The following TNR variants were observed in gnomAD, a reference collection of about 807,000 sequenced individuals.
The protein encoded by TNR is tenascin-R.
TNR carries 45 observed loss-of-function variants against 150.4 expected under a neutral mutation model. That is an observed-to-expected ratio of 0.30 (90% confidence interval 0.24 to 0.38). The LOEUF is 0.38. TNR is among the 10% of genes least tolerant of loss of function. The pLI is 1.00. For missense variants in TNR, 1,544 were observed against 1,759.1 expected, an observed-to-expected ratio of 0.88 and a Z score of 2.19; for synonymous variants, 687 against 678.4, an observed-to-expected ratio of 1.01 and a Z score of -0.20.
At chr1:175,455,830 G>A (rs138826012) in intron 2 of TNR, among the ~76,000 whole-genome samples, 6 of 152,336 alleles carry the variant, frequency 3.9e-5, no homozygotes, top group African/African-American at 1.4e-4. Flanking sequence ...GAGGATGAAA[G>A]TTGGGTCCTG....
intron 8 of TNR, among the ~76,000 whole-genome samples, chr1:175,380,731 T>A (rs573721195): frequency 6.6e-6 from 1 of 152,306 alleles, no homozygotes; most frequent in African/African-American, 2.4e-5. Flanking sequence ...GGCTATCTCC[T>A]CAAGCTGCTT....
chr1:175,573,021 G>A (rs1291053230), intron 1 of TNR, among the ~76,000 whole-genome samples: 1 of 152,052 alleles, frequency 6.6e-6, no homozygotes, highest in Non-Finnish European at 1.5e-5. Flanking sequence ...AATATCTTGC[G>A]ATTCATCCTG....
intron 1 of TNR, among the ~76,000 whole-genome samples, chr1:175,658,501 C>G (rs1339214701): frequency 6.6e-6 from 1 of 152,168 alleles, no homozygotes; most frequent in African/African-American, 2.4e-5. Flanking sequence ...ACCTTCGGCA[C>G]AGCTGCTAAA....
chr1:175,362,914 A>G (rs1396766190), intron 13 of TNR, 105 bp from the exon 14 acceptor site: 2 of 1,378,248 alleles, frequency 1.5e-6, no homozygotes, highest in Admixed American at 1.8e-5. Flanking sequence ...GGGACTCCGC[A>G]CTCAGTGGGG....
chr1:175,474,546 C>A (rs1225204591), intron 2 of TNR, among the ~76,000 whole-genome samples: 1 of 152,220 alleles, frequency 6.6e-6, no homozygotes, highest in East Asian at 1.9e-4. Context: ...GCAGCCTGAG[C>A]AAACTAGCAC....
chr1:175,348,582 T>C (rs10912964), intron 18 of TNR, among the ~76,000 whole-genome samples: 74,117 of 151,990 alleles, frequency 0.49, 19,959 homozygotes, highest in East Asian at 0.77. Flanking sequence ...GAAAAACAGA[T>C]CTGAGAGTAG....
chr1:175,612,678 C>A (rs955089115), intron 1 of TNR, among the ~76,000 whole-genome samples: 3 of 152,204 alleles, frequency 2.0e-5, no homozygotes, highest in Non-Finnish European at 4.4e-5. Context: ...CCTTGACAAA[C>A]GTATCCTTAA....
At chr1:175,425,780 G>A (rs888379617) in intron 2 of TNR, among the ~76,000 whole-genome samples, 2 of 152,176 alleles carry the variant, frequency 1.3e-5, no homozygotes, top group Non-Finnish European at 2.9e-5. Flanking sequence ...CTGGGCCTGG[G>A]AACATAGGGT....
intron 2 of TNR, among the ~76,000 whole-genome samples, chr1:175,429,057 CA>C (rs1474232867): frequency 6.6e-6 from 1 of 152,118 alleles, no homozygotes; most frequent in Non-Finnish European, 1.5e-5. Flanking sequence ...TTTTATAGCT[CA>C]GTCCTCAGAA....
intron 2 of TNR, among the ~76,000 whole-genome samples, chr1:175,408,752 A>C (rs543110624): frequency 1.4e-4 from 22 of 152,354 alleles, no homozygotes; most frequent in African/African-American, 5.3e-4. Flanking sequence ...TTCACCCAGA[A>C]CCTGGCATTA....
chr1:175,719,942 C>T (rs1015208109), intron 1 of TNR, among the ~76,000 whole-genome samples: 123 of 152,146 alleles, frequency 8.1e-4, no homozygotes, highest in African/African-American at 2.8e-3. Context: ...TAGTGGCAGG[C>T]GTGCCTGCCA....
chr1:175,619,230 C>A (rs78452454), intron 1 of TNR, among the ~76,000 whole-genome samples: 17,404 of 152,162 alleles, frequency 0.11, 1,052 homozygotes, highest in Middle Eastern at 0.23. Flanking sequence ...GAAAGCTGGG[C>A]AACCATGAGA....
At position 175,363,177 on chromosome 1, in the gene TNR, G is replaced by A. The variant is rs1651680053; in HGVS notation, c.2708-368C>T. 3.3e-5 allele frequency among the ~76,000 whole-genome samples: 5 copies of A among 152,232 alleles called. No homozygotes were observed. The South Asian group carries it at 1.0e-3, about 32-fold the overall frequency. On this transcript the variant is annotated intron_variant, in intron 13 of 22. Transcript: ENST00000367674. ...GCTGTCCTGTGTCCTCACTGGAAGT[G>A]AGTGTGCCCTCCACTTCCTTAAAAA...
chr1:175,427,813 C>G (rs930681822), intron 2 of TNR, among the ~76,000 whole-genome samples: 4 of 134,118 alleles, frequency 3.0e-5, no homozygotes, highest in African/African-American at 1.1e-4. Context: ...CCTCCCTTCC[C>G]TCTTTTTTCC....
intron 1 of TNR, among the ~76,000 whole-genome samples, chr1:175,703,676 G>GTAAA (rs758820690): frequency 2.6e-5 from 4 of 152,038 alleles, no homozygotes; most frequent in African/African-American, 7.2e-5. Flanking sequence ...ATATGAAAAG[G>GTAAA]TAAATCACAA....
chr1:175,611,657 A>T lies in TNR; in HGVS notation c.-164-83288T>A, dbSNP rs189286873. Among the ~76,000 whole-genome samples, 715 of 152,126 alleles carry T rather than the reference A, an allele frequency of 4.7e-3. 5 individuals carry two copies. Among genetic ancestry groups the T allele is most frequent in the Non-Finnish European group, 5.1e-3 (345 of 67,994 alleles). On this transcript the variant is annotated intron_variant, in intron 1 of 22. Transcript: ENST00000367674. ...CCATTTCTGCTCTCTCTTGATCTCCATCTCTTTCTTTTCCCTCATGTTGAC... is the reference window on the plus strand; with the variant it reads ...CCATTTCTGCTCTCTCTTGATCTCCTTCTCTTTCTTTTCCCTCATGTTGAC...
chr1:175,586,492 G>A (rs531830098), intron 1 of TNR, among the ~76,000 whole-genome samples: 1 of 152,124 alleles, frequency 6.6e-6, no homozygotes, highest in Admixed American at 6.5e-5. Flanking sequence ...GTAGAGACAA[G>A]GTTTCACCAC....
At chr1:175,724,532 G>T (rs981687284) in intron 1 of TNR, among the ~76,000 whole-genome samples, 3 of 152,114 alleles carry the variant, frequency 2.0e-5, no homozygotes, top group African/African-American at 7.2e-5. Context: ...CATGAGATTT[G>T]GTGGGTACAC....
At chr1:175,436,622 T>C (rs1044388629) in intron 2 of TNR, among the ~76,000 whole-genome samples, 2 of 152,168 alleles carry the variant, frequency 1.3e-5, no homozygotes, top group African/African-American at 2.4e-5. Flanking sequence ...CAGTGTGCTG[T>C]ATTCAGGAAA....
Sources: allele counts gnomAD v4.1 joint callset (sites outside exome capture counted in the v4.1 genomes callset), GRCh38; gene constraint gnomAD v4.1.1; transcripts MANE v1.5; gene names NCBI Gene and HGNC (gene_info 2026-07-23, HGNC 2026-07-21).